Variants in UAP1 observed in about 807,000 individuals in gnomAD.
UAP1 encodes the protein UDP-N-acetylhexosamine pyrophosphorylase.
A neutral mutation model predicts 58.5 loss-of-function variants in UAP1; 25 were observed. That is an observed-to-expected ratio of 0.43 (90% confidence interval 0.31 to 0.60). The LOEUF (loss-of-function observed/expected upper bound fraction) is 0.60, where lower values mean the gene tolerates loss of function less well. Ranked by LOEUF, UAP1 falls within the 20% of genes least tolerant of loss-of-function variation. The pLI is 0.11. For missense variants in UAP1, 575 were observed against 630.0 expected, an observed-to-expected ratio of 0.91 and a Z score of 0.93; for synonymous variants, 208 against 213.0, an observed-to-expected ratio of 0.98 and a Z score of 0.21.
intron 7 of UAP1, among the ~76,000 whole-genome samples, chr1:162,589,253 A>T (rs1655147936): frequency 7.9e-6 from 1 of 127,328 alleles, no homozygotes; most frequent in Non-Finnish European, 1.6e-5. Context: ...ATAGTTATAT[A>T]TAAATATATA....
intron 2 of UAP1, among the ~76,000 whole-genome samples, chr1:162,567,867 A>G (rs1653610896): frequency 6.6e-6 from 1 of 151,832 alleles, no homozygotes; most frequent in Non-Finnish European, 1.5e-5. Flanking sequence ...TGTGATCCTC[A>G]CTCACTGCAA....
intron 3 of UAP1, among the ~76,000 whole-genome samples, chr1:162,577,434 C>CTTTTTTTTTTTTTTTTTTTT (rs1557970274): frequency 7.2e-6 from 1 of 138,150 alleles, no homozygotes. Flanking sequence ...TAGTTCCTTC[C>CTTTTTTTTTTTTTTTTTTTT]CTTTTTTTTT....
At chr1:162,566,473 G>T (rs1287625658) in intron 2 of UAP1, 125 bp downstream of exon 2, 6 of 999,802 alleles carry the variant, frequency 6.0e-6, no homozygotes, top group Non-Finnish European at 8.5e-6. Flanking sequence ...CTAGCAGAAA[G>T]TGACAAAATT....
At chr1:162,565,276 C>T (rs770074857) in intron 1 of UAP1, among the ~76,000 whole-genome samples, 9 of 152,176 alleles carry the variant, frequency 5.9e-5, no homozygotes, top group Non-Finnish European at 1.2e-4. Flanking sequence ...AATATTTCCC[C>T]ATTTTCTTAT....
chr1:162,592,749 A>C (rs1435025935), exon 9 of UAP1: 1 of 1,550,354 alleles, frequency 6.5e-7, no homozygotes, highest in African/African-American at 1.4e-5. Context: ...ACAAATGGGA[A>C]GTCAGAGACC....
intron 5 of UAP1, among the ~76,000 whole-genome samples, chr1:162,583,819 T>G (rs182126901): frequency 6.6e-6 from 1 of 152,172 alleles, no homozygotes; most frequent in Non-Finnish European, 1.5e-5. Context: ...TTTGTATTTT[T>G]AGTAGAGACA....
chr1:162,566,003 C>G lies in UAP1; in HGVS notation c.-57-9C>G. 6.7e-7 allele frequency: 1 copy of G among 1,486,848 alleles called. No individual in the cohort carries two copies. Among genetic ancestry groups the G allele is most frequent in the Non-Finnish European group, 9.0e-7 (1 of 1,112,760 alleles). 92.1% of individuals were successfully genotyped at this position (1,486,848 alleles called of 1,614,324 possible). A position where few individuals can be genotyped will look rare whatever the true frequency, so the allele number is the denominator to read the frequency against. ...TTTTGACATGCCATTAATTACTTTT[C>G]TCTTTTAGGTTTACAGGTACATACA... On this transcript the variant is annotated splice_polypyrimidine_tract_variant and intron_variant, in intron 1 of 10. Transcript: ENST00000271469.
chr1:162,580,547 T>G (rs867132925), intron 4 of UAP1, among the ~76,000 whole-genome samples: 2 of 152,234 alleles, frequency 1.3e-5, no homozygotes, highest in South Asian at 4.1e-4. Flanking sequence ...CTGACAGATT[T>G]ATGTTTATGA....
chr1:162,590,778 C>A (rs1655254480), intron 8 of UAP1, among the ~76,000 whole-genome samples: 1 of 151,534 alleles, frequency 6.6e-6, no homozygotes, highest in Non-Finnish European at 1.5e-5. Context: ...AGCAAAAAGA[C>A]TTCTACTAAA....
At chr1:162,575,688 C>T (rs920219619) in intron 2 of UAP1, among the ~76,000 whole-genome samples, 3 of 147,572 alleles carry the variant, frequency 2.0e-5, no homozygotes, top group African/African-American at 5.0e-5. Context: ...CTGCCTGTCT[C>T]GTAGTTTTAT....
intron 2 of UAP1, among the ~76,000 whole-genome samples, chr1:162,570,885 A>G (rs191632913): frequency 8.0e-4 from 122 of 152,302 alleles, no homozygotes; most frequent in African/African-American, 1.9e-3. Flanking sequence ...GACCTGTGCT[A>G]TCTTCCTTGT....
At chr1:162,581,870 C>A (rs548336735) in intron 5 of UAP1, among the ~76,000 whole-genome samples, 1 of 152,102 alleles carries the variant, frequency 6.6e-6, no homozygotes, top group Non-Finnish European at 1.5e-5. Context: ...AGGTATCTTA[C>A]GATGTTCTTT....
intron 5 of UAP1, among the ~76,000 whole-genome samples, chr1:162,583,039 A>T (rs924645219): frequency 1.4e-4 from 21 of 151,218 alleles, no homozygotes; most frequent in African/African-American, 5.1e-4. Flanking sequence ...GTGCAGTGGC[A>T]GGATCTCGGC....
At chr1:162,568,958 A>G (rs560210711) in intron 2 of UAP1, among the ~76,000 whole-genome samples, 1 of 152,326 alleles carries the variant, frequency 6.6e-6, no homozygotes, top group East Asian at 1.9e-4. Context: ...CATGTAAACT[A>G]AAATCCGGAA....
chr1:162,591,945 C>T (rs763740172), intron 8 of UAP1, among the ~76,000 whole-genome samples: 70 of 152,182 alleles, frequency 4.6e-4, no homozygotes, highest in Non-Finnish European at 8.8e-4. Flanking sequence ...CTATTGTGCT[C>T]AGCCTAAATC....
intron 4 of UAP1, 23 bp downstream of exon 4, chr1:162,579,626 T>C (rs1260677118): frequency 1.3e-6 from 2 of 1,492,794 alleles, no homozygotes; most frequent in South Asian, 2.7e-5. Context: ...CCTTATTTAA[T>C]GGTGACTAGA....
At chr1:162,591,790 T>G (rs914799740) in intron 8 of UAP1, among the ~76,000 whole-genome samples, 1 of 141,322 alleles carries the variant, frequency 7.1e-6, no homozygotes, top group Non-Finnish European at 1.5e-5. Flanking sequence ...CTGGCCAATC[T>G]TTTTTTTTTT....
At chr1:162,600,350 T>C (rs978553351), downstream of UAP1, among the ~76,000 whole-genome samples, 5 of 152,194 alleles carry the variant, frequency 3.3e-5, no homozygotes, top group African/African-American at 1.2e-4. Flanking sequence ...GTTGTTGTTA[T>C]TTTAGAGGAT....
At chr1:162,578,548 C>T (rs1366007571) in intron 3 of UAP1, among the ~76,000 whole-genome samples, 6 of 152,228 alleles carry the variant, frequency 3.9e-5, no homozygotes, top group Admixed American at 3.9e-4. Context: ...ATTCTACTTA[C>T]AGCCCTGGCC....
Sources: allele counts gnomAD v4.1 joint callset (sites outside exome capture counted in the v4.1 genomes callset), GRCh38; gene constraint gnomAD v4.1.1; transcripts MANE v1.5; gene names NCBI Gene and HGNC (gene_info 2026-07-23, HGNC 2026-07-21).